The following GRIP1 variants were observed in gnomAD, a reference collection of about 807,000 sequenced individuals.
GRIP1 encodes glutamate receptor interacting protein 1.
A neutral mutation model predicts 129.9 loss-of-function variants in GRIP1; 45 were observed. The observed-to-expected ratio is 0.35, with a 90% confidence interval of 0.27 to 0.44. The LOEUF (loss-of-function observed/expected upper bound fraction) is 0.44, where lower values mean the gene tolerates loss of function less well. Among genes scored for constraint, GRIP1 ranks in the 20% least tolerant of loss-of-function variants. The pLI is 1.00. For synonymous variants in GRIP1, 530 were observed against 520.8 expected (o/e 1.02, Z -0.24); for missense variants, 1,196 against 1,396.8 (o/e 0.86, Z 2.29).
At chr12:66,486,514 A>G (rs1046185257) in intron 7 of GRIP1, among the ~76,000 whole-genome samples, 1 of 152,026 alleles carries the variant, frequency 6.6e-6, no homozygotes, top group Non-Finnish European at 1.5e-5. Flanking sequence ...CCCCCGTACT[A>G]TTCTCATGGT....
At chr12:67,037,756 G>T (rs535945156) in intron 1 of GRIP1, among the ~76,000 whole-genome samples, 1 of 152,036 alleles carries the variant, frequency 6.6e-6, no homozygotes, top group Non-Finnish European at 1.5e-5. Context: ...TCAATCATTT[G>T]TTCTCGAGCA....
At chr12:66,792,375 G>T (rs73329254) in intron 1 of GRIP1, among the ~76,000 whole-genome samples, 3,456 of 151,968 alleles carry the variant, frequency 0.023, 144 homozygotes, top group African/African-American at 0.079. Flanking sequence ...CCAAGTAGCT[G>T]GGATTACAGG....
At chr12:66,959,303 T>G (rs1166943689) in intron 1 of GRIP1, among the ~76,000 whole-genome samples, 1 of 152,162 alleles carries the variant, frequency 6.6e-6, no homozygotes, top group South Asian at 2.1e-4. Context: ...TTTGGTTTTT[T>G]GCTTAAGCCA....
At chr12:66,829,371 G>C (rs7971153) in intron 1 of GRIP1, among the ~76,000 whole-genome samples, 24,556 of 152,072 alleles carry the variant, frequency 0.16, 2,130 homozygotes, top group East Asian at 0.37. Context: ...CACAGGAAAT[G>C]GGACCCTGCT....
At chr12:66,616,065 T>C (rs568710474) in intron 1 of GRIP1, among the ~76,000 whole-genome samples, 1 of 152,284 alleles carries the variant, frequency 6.6e-6, no homozygotes, top group East Asian at 1.9e-4. Context: ...AACTGATGCT[T>C]ACAGTTTCTC....
chr12:66,809,714 C>T (rs1357693003), intron 1 of GRIP1, among the ~76,000 whole-genome samples: 1 of 150,912 alleles, frequency 6.6e-6, no homozygotes, highest in Non-Finnish European at 1.5e-5. Flanking sequence ...GGCTGGAGTC[C>T]AGTGGTGCAA....
intron 1 of GRIP1, among the ~76,000 whole-genome samples, chr12:66,694,311 T>G (rs926467010): frequency 2.0e-5 from 3 of 152,164 alleles, no homozygotes; most frequent in African/African-American, 7.2e-5. Context: ...CTTTGTAGTT[T>G]TGAGTTTTTA....
At chr12:66,961,481 A>T (rs1286365095) in intron 1 of GRIP1, among the ~76,000 whole-genome samples, 1 of 152,184 alleles carries the variant, frequency 6.6e-6, no homozygotes. Context: ...TGTTATAAGA[A>T]GTAGTTAAGT....
intron 1 of GRIP1, among the ~76,000 whole-genome samples, chr12:66,821,580 T>C (rs947179901): frequency 3.9e-5 from 6 of 152,164 alleles, no homozygotes; most frequent in Non-Finnish European, 1.5e-5. Context: ...GTCAATGCAA[T>C]TTAGTTGAAG....
At chr12:66,745,453 C>A (rs2036915285) in intron 1 of GRIP1, among the ~76,000 whole-genome samples, 1 of 152,078 alleles carries the variant, frequency 6.6e-6, no homozygotes, top group Admixed American at 6.6e-5. Flanking sequence ...CACTAGGTCC[C>A]AAATATTGCA....
chr12:66,886,552 A>G (rs1480733063), intron 1 of GRIP1, among the ~76,000 whole-genome samples: 1 of 152,066 alleles, frequency 6.6e-6, no homozygotes, highest in Non-Finnish European at 1.5e-5. Flanking sequence ...AAATGCTCTC[A>G]TATTCCCAAA....
chr12:66,953,084 ATACAAAGAAATCAT>A (rs1295255655), intron 1 of GRIP1, among the ~76,000 whole-genome samples: 2 of 152,240 alleles, frequency 1.3e-5, no homozygotes, highest in East Asian at 3.8e-4. Flanking sequence ...TGTACCATAT[ATACAAAGAAATCAT>A]TCAGCCAGCA....
rs551942881 is a variant in GRIP1, at chr12:66,400,931, T to C, written c.1984+5352A>G. ...CTCAGAAACCATCAAGGCAAAACAA[T>C]AGATTTTTTTCAAGAGGATTATTTG... On this transcript the variant is annotated intron_variant, in intron 16 of 24. Transcript: ENST00000359742. Among the ~76,000 whole-genome samples the C allele has an allele frequency of 0.011, 267 of 24,206 alleles. 1 individual carries two copies. The Non-Finnish European group carries it at 0.29, about 26-fold the overall frequency. The allele number at this position is 24,206 out of a possible 152,430, so 15.9% of individuals were successfully genotyped here.
chr12:66,839,559 AT>A (rs2137043788), intron 1 of GRIP1, among the ~76,000 whole-genome samples: 1 of 152,344 alleles, frequency 6.6e-6, no homozygotes, highest in Admixed American at 6.5e-5. Flanking sequence ...CACCTGAAAA[AT>A]TCCACTCAGT....
chr12:66,475,001 G>C (rs966078549), intron 7 of GRIP1, among the ~76,000 whole-genome samples: 2 of 152,096 alleles, frequency 1.3e-5, no homozygotes, highest in African/African-American at 4.8e-5. Context: ...ATGTAAATGG[G>C]CTAAATGCTC....
At chr12:66,629,389 C>T (rs1225102662) in intron 1 of GRIP1, among the ~76,000 whole-genome samples, 1 of 152,198 alleles carries the variant, frequency 6.6e-6, no homozygotes, top group Non-Finnish European at 1.5e-5. Context: ...GTGGCACTGT[C>T]ATGTTCCTGA....
chr12:66,846,965 T>A (rs1420795012), intron 1 of GRIP1, among the ~76,000 whole-genome samples: 1 of 152,102 alleles, frequency 6.6e-6, no homozygotes, highest in Non-Finnish European at 1.5e-5. Flanking sequence ...GCTTCCCTGG[T>A]TGTCTGGCAT....
intron 14 of GRIP1, among the ~76,000 whole-genome samples, chr12:66,430,335 G>T (rs146744398): frequency 1.3e-5 from 2 of 152,324 alleles, no homozygotes; most frequent in Non-Finnish European, 2.9e-5. Flanking sequence ...AGCTCTAGAA[G>T]AACTGACAAG....
intron 1 of GRIP1, among the ~76,000 whole-genome samples, chr12:66,667,445 C>T (rs1424227318): frequency 6.6e-6 from 1 of 152,182 alleles, no homozygotes; most frequent in East Asian, 1.9e-4. Flanking sequence ...CTTCTTTCTT[C>T]AGGTCAGTTG....
Sources: gnomAD v4.1 joint callset for allele counts (sites outside exome capture counted in the v4.1 genomes callset) on GRCh38, gnomAD v4.1.1 for gene constraint, MANE v1.5 for transcripts, NCBI Gene and HGNC (gene_info 2026-07-23, HGNC 2026-07-21) for gene names.